Variants in SUZ12 observed in about 807,000 individuals in gnomAD.
The protein encoded by SUZ12 is SUZ12 polycomb repressive complex 2 subunit, also known as polycomb protein SUZ12.
SUZ12 carries 17 observed loss-of-function variants against 87.3 expected under a neutral mutation model. The ratio of observed to expected loss-of-function variants is 0.19; its 90% CI spans 0.13 to 0.29. The LOEUF is 0.29. SUZ12 is among the 10% of genes least tolerant of loss of function. The pLI is 1.00. For missense variants in SUZ12, 526 were observed against 912.2 expected (o/e 0.58, Z 5.45); for synonymous variants, 253 against 312.4 (o/e 0.81, Z 2.01).
intron 9 of SUZ12, among the ~76,000 whole-genome samples, chr17:31,987,392 T>G (rs1416104334): frequency 2.0e-5 from 3 of 152,186 alleles, no homozygotes; most frequent in Non-Finnish European, 4.4e-5. Flanking sequence ...ATCATCAGCT[T>G]AATAGGTAAA....
At chr17:31,948,871 A>C (rs1216506241) in intron 4 of SUZ12, among the ~76,000 whole-genome samples, 1 of 152,206 alleles carries the variant, frequency 6.6e-6, no homozygotes, top group Non-Finnish European at 1.5e-5. Context: ...GAATATTCGC[A>C]GTGCACGCAC....
chr17:31,948,740 C>T (rs915866780), intron 4 of SUZ12, among the ~76,000 whole-genome samples: 1 of 152,026 alleles, frequency 6.6e-6, no homozygotes, highest in Non-Finnish European at 1.5e-5. Context: ...ATTTATATTT[C>T]CATGTCTAGG....
intron 4 of SUZ12, among the ~76,000 whole-genome samples, chr17:31,958,457 C>T (rs1313332660): frequency 6.6e-6 from 1 of 152,094 alleles, no homozygotes; most frequent in Non-Finnish European, 1.5e-5. Context: ...ACGCCTGTAT[C>T]CCAGCACTTT....
intron 15 of SUZ12, among the ~76,000 whole-genome samples, chr17:31,998,147 T>G (rs1910078225): frequency 6.6e-6 from 1 of 151,014 alleles, no homozygotes; most frequent in South Asian, 2.1e-4. Flanking sequence ...TGGTGTGATC[T>G]CGACTCACTG....
intron 4 of SUZ12, among the ~76,000 whole-genome samples, chr17:31,949,256 C>G (rs1158118749): frequency 3.3e-5 from 5 of 152,212 alleles, no homozygotes. Flanking sequence ...CAATTGTTTC[C>G]CCAGTAATTT....
chr17:31,952,566 T>G (rs1907053448), intron 4 of SUZ12, among the ~76,000 whole-genome samples: 1 of 152,170 alleles, frequency 6.6e-6, no homozygotes, highest in Non-Finnish European at 1.5e-5. Flanking sequence ...ATCTTTTTTT[T>G]GTTGCTGTTT....
chr17:31,943,167 A>G (rs1326774864), intron 3 of SUZ12, among the ~76,000 whole-genome samples: 2 of 152,184 alleles, frequency 1.3e-5, no homozygotes, highest in East Asian at 1.9e-4. Context: ...ACTAAAAAGG[A>G]GGTGATGAAT....
intron 4 of SUZ12, among the ~76,000 whole-genome samples, chr17:31,952,550 G>C (rs1239177969): frequency 6.6e-6 from 1 of 151,936 alleles, no homozygotes; most frequent in Non-Finnish European, 1.5e-5. Context: ...TACCAATTTT[G>C]GAATTATCTT....
chr17:31,996,818 T>C lies in SUZ12; in HGVS notation c.1815T>C (p.Asp605=). 1 of 1,555,322 alleles carries C rather than the reference T, an allele frequency of 6.4e-7. No homozygotes were observed. Among genetic ancestry groups the C allele is most frequent in the Non-Finnish European group, 8.6e-7 (1 of 1,161,060 alleles). Residue 605 remains aspartate, a synonymous_variant, in exon 15 of 16, where the codon GAT becomes GAC. Transcript: ENST00000322652. ...CCCAGCAAATTGAAGAGTTTTCTGA[T>C]GTTAATGAAGGAGAGAAAGAAGTGA... ...KTITQIEEFS[D]VNEGEKEVMK...
At chr17:31,952,719 C>T (rs1907063097) in intron 4 of SUZ12, among the ~76,000 whole-genome samples, 1 of 152,040 alleles carries the variant, frequency 6.6e-6, no homozygotes, top group Admixed American at 6.6e-5. Context: ...TCTGCCACCA[C>T]GCCCAGCTAC....
At chr17:31,997,666 C>CAAA (rs892389046) in intron 15 of SUZ12, among the ~76,000 whole-genome samples, 9,772 of 70,056 alleles carry the variant, frequency 0.14, 420 homozygotes, top group Non-Finnish European at 0.2. Flanking sequence ...ACCCTATCTC[C>CAAA]AAAAAAAAAA....
chr17:31,962,925 G>C (rs73282224), intron 4 of SUZ12, among the ~76,000 whole-genome samples: 23,208 of 146,234 alleles, frequency 0.16, no homozygotes, highest in African/African-American at 0.29. Context: ...GTGACTGGTG[G>C]ATTATCTTCT....
intron 4 of SUZ12, among the ~76,000 whole-genome samples, chr17:31,954,353 G>A (rs556151716): frequency 3.3e-5 from 5 of 152,272 alleles, no homozygotes; most frequent in African/African-American, 9.6e-5. Context: ...GAGCCTCTGC[G>A]CCCAGCCAAC....
At chr17:31,988,296 CTT>C (rs1909520009) in intron 9 of SUZ12, 22 bp from the exon 10 acceptor site, 3 of 1,517,698 alleles carry the variant, frequency 2.0e-6, no homozygotes, top group South Asian at 1.3e-5. Context: ...AGTCTCCAGT[CTT>C]TGCATGTTTT....
intron 8 of SUZ12, among the ~76,000 whole-genome samples, chr17:31,978,706 T>C (rs1452160184): frequency 6.6e-6 from 1 of 152,212 alleles, no homozygotes; most frequent in Non-Finnish European, 1.5e-5. Context: ...TTAATCACTG[T>C]ACCTGACACA....
intron 1 of SUZ12, among the ~76,000 whole-genome samples, chr17:31,938,680 C>T (rs1304901741): frequency 6.6e-6 from 1 of 152,198 alleles, no homozygotes; most frequent in African/African-American, 2.4e-5. Context: ...AACTGAAGGG[C>T]AGTGGTGACA....
At chr17:31,968,396 T>TA (rs1908219166) in intron 5 of SUZ12, among the ~76,000 whole-genome samples, 1 of 151,878 alleles carries the variant, frequency 6.6e-6, no homozygotes, top group Non-Finnish European at 1.5e-5. Flanking sequence ...CCTGGCTAAT[T>TA]AAAAAAAATT....
intron 4 of SUZ12, among the ~76,000 whole-genome samples, chr17:31,951,583 C>T (rs573608773): frequency 1.5e-4 from 23 of 150,820 alleles, no homozygotes; most frequent in Middle Eastern, 3.5e-3. Flanking sequence ...CCCGGGTTCA[C>T]GCCATTCTGC....
intron 3 of SUZ12, among the ~76,000 whole-genome samples, chr17:31,944,268 A>G (rs528906958): frequency 1.5e-4 from 23 of 151,900 alleles, no homozygotes; most frequent in Admixed American, 1.3e-3. Context: ...AGCTGGGATT[A>G]CAGGCATGCG....
Sources: gnomAD v4.1 joint callset for allele counts (sites outside exome capture counted in the v4.1 genomes callset) on GRCh38, gnomAD v4.1.1 for gene constraint, MANE v1.5 for transcripts, NCBI Gene and HGNC (gene_info 2026-07-23, HGNC 2026-07-21) for gene names.